JPT2: variants seen among roughly 807,000 people sequenced by gnomAD.
JPT2 encodes the protein Jupiter microtubule associated homolog 2.
A neutral mutation model predicts 15.9 loss-of-function variants in JPT2; 9 were observed. The observed-to-expected ratio is 0.57, with a 90% CI of 0.34 to 0.99. The LOEUF is 0.99. JPT2 is among the 50% of genes least tolerant of loss of function. The pLI, the probability that JPT2 is intolerant of heterozygous loss-of-function variation, is 0.02. For synonymous variants in JPT2, 95 were observed against 91.7 expected (o/e 1.04, Z -0.21); for missense variants, 267 against 252.1 (o/e 1.06, Z -0.40).
At chr16:1,696,453 A>G (rs547412046) in intron 3 of JPT2, among the ~76,000 whole-genome samples, 157 of 152,044 alleles carry the variant, frequency 1.0e-3, no homozygotes, top group African/African-American at 3.6e-3. Flanking sequence ...CCCAGAAGGC[A>G]AAGGGCGCAG....
rs745829023 is a variant in JPT2, at chr16:1,685,581, C to G, written c.187C>G (p.Pro63Ala). ...EPQNIPKRTN[P>A]PGGKGSGIFD... ...TCAGAACATACCCAAGAGGACAAAT[C>G]CCCCAGGTATGGGCCTTTGGAAATC... Residue 63 changes from proline to alanine, a missense_variant, in exon 2 of 5, where the codon CCC becomes GCC. Physicochemically the swap from Pro to Ala is conservative, Grantham distance 27. Coordinates refer to ENST00000248098, the MANE Select transcript of JPT2 (RefSeq NM_144570.3). 3.3e-5 allele frequency: 54 copies of G among 1,613,504 alleles called. No homozygotes were observed. The highest frequency in any genetic ancestry group is 4.1e-5 in the Non-Finnish European group (48 of 1,179,824).
chr16:1,682,189 G>T (rs547865782), intron 1 of JPT2, among the ~76,000 whole-genome samples: 1 of 146,834 alleles, frequency 6.8e-6, no homozygotes, highest in Non-Finnish European at 1.5e-5. Context: ...CAGCCTGGCC[G>T]ACGTGGTGAA....
rs1178184755 is a variant in JPT2, at chr16:1,700,842, T to C, written c.*1844T>C. Reference sequence around the variant, plus strand: ...GACGTGACGGTACTGGGCCCTGTGATTCTCCCAGCCCTTGCAGTCCGCTAG... The same window carrying C: ...GACGTGACGGTACTGGGCCCTGTGACTCTCCCAGCCCTTGCAGTCCGCTAG... On this transcript the variant is annotated 3_prime_UTR_variant, in exon 5 of 5. Coordinates refer to ENST00000248098, the MANE Select transcript of JPT2 (RefSeq NM_144570.3). 2 of 152,242 alleles carry C rather than the reference T, an allele frequency of 1.3e-5. No homozygotes were observed. The highest frequency in any genetic ancestry group is 2.9e-5 in the Non-Finnish European group (2 of 68,068). The allele number at this position is 152,242 out of a possible 1,614,324, so 9.4% of individuals were successfully genotyped here.
intron 3 of JPT2, 136 bp from the exon 4 acceptor site, chr16:1,697,676 T>C (rs1297784938): frequency 1.4e-5 from 10 of 712,878 alleles, no homozygotes; most frequent in South Asian, 3.5e-5. Context: ...CTGTAGAGGA[T>C]TGGGGGGGTC....
intron 3 of JPT2, among the ~76,000 whole-genome samples, chr16:1,696,964 A>T (rs1210494505): frequency 6.6e-6 from 1 of 152,228 alleles, no homozygotes; most frequent in African/African-American, 2.4e-5. Flanking sequence ...ACTCTTAAGT[A>T]CGTACTCACA....
intron 2 of JPT2, 34 bp downstream of exon 2, chr16:1,685,621 C>A: frequency 6.3e-7 from 1 of 1,585,238 alleles, no homozygotes. Context: ...ATCCTTTGGC[C>A]TCCACGATTC....
At chr16:1,692,405 C>G in intron 3 of JPT2, 1 of 191,728 alleles carries the variant, frequency 5.2e-6, no homozygotes, top group Non-Finnish European at 1.1e-5. Context: ...CAGTCAAGGT[C>G]CTCGGCTGGT....
chr16:1,683,699 G>C, intron 1 of JPT2: 2 of 764,816 alleles, frequency 2.6e-6, no homozygotes, highest in Non-Finnish European at 4.3e-6. Context: ...CAGGAGATCT[G>C]AGAACTCCAT....
At position 1,698,927 on chromosome 16, in the gene JPT2, G is replaced by A; in HGVS notation, c.502G>A (p.Gly168Arg). Residue 168 changes from glycine to arginine, a missense_variant, in exon 5 of 5, where the codon GGG becomes AGG. Transcript: ENST00000248098. This position sits in a 1 kb window ranked among gnomAD's most constrained non-coding sequence, Gnocchi z 4.9. ...PTVDSHEPRLGPRPRSHNKVL... is the reference protein window; with the variant it reads ...PTVDSHEPRLRPRPRSHNKVL... Reference sequence around the variant, plus strand: ...AGTCGACAGCCATGAGCCCCGGCTGGGGCCGCGGCCTCGCTCTCACAACAA... The same window carrying A: ...AGTCGACAGCCATGAGCCCCGGCTGAGGCCGCGGCCTCGCTCTCACAACAA... The A allele has an allele frequency of 1.2e-6, 2 of 1,614,214 alleles. No homozygotes were observed. Among genetic ancestry groups the A allele is most frequent in the East Asian group, 4.5e-5 (2 of 44,888 alleles).
chr16:1,681,183 G>T (rs532287652), intron 1 of JPT2, among the ~76,000 whole-genome samples: 1 of 152,178 alleles, frequency 6.6e-6, no homozygotes, highest in African/African-American at 2.4e-5. Context: ...AAGCCACACT[G>T]CGCCATTGTT....
intron 1 of JPT2, among the ~76,000 whole-genome samples, chr16:1,682,193 TG>T (rs2037028680): frequency 6.6e-6 from 1 of 151,746 alleles, no homozygotes; most frequent in Admixed American, 6.6e-5. Flanking sequence ...CTGGCCGACG[TG>T]GTGAAACCCC....
At chr16:1,681,779 A>T (rs2037024899) in intron 1 of JPT2, among the ~76,000 whole-genome samples, 3 of 152,216 alleles carry the variant, frequency 2.0e-5, no homozygotes, top group Admixed American at 1.3e-4. Flanking sequence ...AGCAAGGGTG[A>T]AAGGCAGAGG....
intron 2 of JPT2, 22 bp from the exon 3 acceptor site, chr16:1,691,821 T>C (rs370296974): frequency 6.2e-7 from 1 of 1,608,638 alleles, no homozygotes; most frequent in African/African-American, 1.3e-5. Flanking sequence ...GGTTGCTCAG[T>C]GTTCTGTGAT....
At position 1,698,501 on chromosome 16, in the gene JPT2, A is replaced by G. The variant is rs1596510726; in HGVS notation, c.386-310A>G. Among the ~76,000 whole-genome samples, 2 of 152,162 alleles carry G rather than the reference A, an allele frequency of 1.3e-5. No individual in the cohort carries two copies. Among genetic ancestry groups the G allele is most frequent in the South Asian group, 2.1e-4 (1 of 4,832 alleles). ...GGTCACTCTCAGGGGCTTGCTTTCTATACTTGAGATGGAAGAAATGGGAGT... is the reference window on the plus strand; with the variant it reads ...GGTCACTCTCAGGGGCTTGCTTTCTGTACTTGAGATGGAAGAAATGGGAGT... On this transcript the variant is annotated intron_variant, in intron 4 of 4. Transcript: ENST00000248098. This position sits in a 1 kb window ranked among gnomAD's most constrained non-coding sequence, Gnocchi z 4.9.
intron 1 of JPT2, among the ~76,000 whole-genome samples, chr16:1,679,558 G>T (rs1008093276): frequency 6.6e-6 from 1 of 151,870 alleles, no homozygotes; most frequent in African/African-American, 2.4e-5. Context: ...TTAGCCAGGC[G>T]TGGTGGTGTG....
intron 1 of JPT2, chr16:1,683,462 T>C: frequency 1.6e-6 from 2 of 1,243,264 alleles, no homozygotes; most frequent in Non-Finnish European, 2.3e-6. Flanking sequence ...AAATAATTTT[T>C]CTTAAGTGCA....
At chr16:1,694,203 G>T (rs1174250434) in intron 3 of JPT2, among the ~76,000 whole-genome samples, 1 of 152,202 alleles carries the variant, frequency 6.6e-6, no homozygotes. Flanking sequence ...CTGAGAAAAT[G>T]TTCATCAGTG....
chr16:1,695,103 A>G (rs2037131600), intron 3 of JPT2, among the ~76,000 whole-genome samples: 1 of 152,112 alleles, frequency 6.6e-6, no homozygotes, highest in Non-Finnish European at 1.5e-5. Flanking sequence ...CTCTAAAAAA[A>G]CTTTTTTTTA....
chr16:1,701,558 T>C lies in JPT2; in HGVS notation c.*2560T>C, dbSNP rs1004897688. On this transcript the variant is annotated 3_prime_UTR_variant, in exon 5 of 5. Coordinates refer to ENST00000248098, the MANE Select transcript of JPT2 (RefSeq NM_144570.3). ...ATGCCAAAATTAGTCTTCTCAAAGC[T>C]TTGAGTAGAGTAAGTGTGGGAATAA... 1 of 152,258 alleles carries C rather than the reference T, an allele frequency of 6.6e-6. No individual in the cohort carries two copies. The highest frequency in any genetic ancestry group is 2.4e-5 in the African/African-American group (1 of 41,448). The allele number at this position is 152,258 out of a possible 1,614,324, so 9.4% of individuals were successfully genotyped here.
Sources: allele counts gnomAD v4.1 joint callset (sites outside exome capture counted in the v4.1 genomes callset), GRCh38; gene constraint gnomAD v4.1.1; non-coding constraint Gnocchi (gnomAD v3.1); transcripts MANE v1.5; gene names NCBI Gene and HGNC (gene_info 2026-07-23, HGNC 2026-07-21).